MED17: variants seen among roughly 807,000 people sequenced by gnomAD.
MED17 encodes mediator complex subunit 17.
A neutral mutation model predicts 80.8 loss-of-function variants in MED17; 49 were observed. That is an observed-to-expected ratio of 0.61 (90% CI 0.48 to 0.77). The LOEUF is 0.77. Among genes scored for constraint, MED17 ranks in the 30% least tolerant of loss-of-function variants. The pLI, the probability that MED17 is intolerant of heterozygous loss-of-function variation, is 0.00. For missense variants in MED17, 718 were observed against 787.0 expected (o/e 0.91, Z 1.05); for synonymous variants, 281 against 280.4 (o/e 1.00, Z -0.02).
chr11:93,808,868 C>T (rs1944057589), intron 10 of MED17: 1 of 152,446 alleles, frequency 6.6e-6, no homozygotes, highest in African/African-American at 2.4e-5. Flanking sequence ...GTATGAGAAC[C>T]ATGGCCAGAG....
chr11:93,796,081 C>G (rs1032747622), intron 6 of MED17: 1 of 333,038 alleles, frequency 3.0e-6, no homozygotes, highest in Admixed American at 4.4e-5. Flanking sequence ...TCCCAAGCAG[C>G]TGGGACTACA....
In MED17 at chr11:93,794,002, C is replaced by G; in HGVS notation, c.826C>G (p.Leu276Val). 6.2e-7 allele frequency: 1 copy of G among 1,613,982 alleles called. No homozygotes were observed. The highest frequency in any genetic ancestry group is 8.5e-7 in the Non-Finnish European group (1 of 1,179,964). Residue 276 changes from leucine (L) to valine (V), a missense_variant, in exon 5 of 12, where the codon CTC becomes GTC. Leu to Val is a conservative substitution (Grantham distance 32). Transcript: ENST00000251871. ...TATAGGTGACCTCGGCACAGTTAAC[C>G]TCTTCAAACGACCTTTGCCCAAATC... The part of the protein sequence containing the change: ...PDIGDLGTVN[L>V]FKRPLPKSKP...
rs376941892 is a variant in MED17 at position 93,796,529 on chromosome 11, C to T, written c.1132C>T (p.Leu378=). The T allele has an allele frequency of 1.2e-5, 19 of 1,614,008 alleles. No individual in the cohort carries two copies. Among genetic ancestry groups the T allele is most frequent in the Non-Finnish European group, 1.4e-5 (16 of 1,180,008 alleles). ...TGTCCTAGAGCATAATTTGCATCTACTGATTAGAGAGGTAAGGAAATAAAT... is the reference window on the plus strand; with the variant it reads ...TGTCCTAGAGCATAATTTGCATCTATTGATTAGAGAGGTAAGGAAATAAAT... The part of the protein sequence containing the change: ...LYVLEHNLHL[L]IREFHKQTLS... The change falls in exon 7 of 12, where the codon CTG becomes TTG. Residue 378 remains leucine (L), a synonymous_variant. Transcript: ENST00000251871.
At chr11:93,807,450 T>C in intron 9 of MED17, 68 bp from the exon 10 acceptor site, 1 of 902,648 alleles carries the variant, frequency 1.1e-6, no homozygotes, top group South Asian at 1.3e-5. Context: ...ATGTTAACGT[T>C]TATTATTTAT....
intron 2 of MED17, chr11:93,789,498 AT>A (rs1413536863): frequency 2.6e-5 from 4 of 152,226 alleles, no homozygotes; most frequent in African/African-American, 9.6e-5. Context: ...TTATTTTGAT[AT>A]GTTTATGAAG....
At chr11:93,808,314 A>T (rs1944047769) in intron 10 of MED17, 1 of 150,776 alleles carries the variant, frequency 6.6e-6, no homozygotes, top group Non-Finnish European at 1.5e-5. Flanking sequence ...AATGAGCTAT[A>T]ATTGGTCCCA....
At chr11:93,799,465 C>T (rs960606687) in intron 8 of MED17, among the ~76,000 whole-genome samples, 3 of 152,256 alleles carry the variant, frequency 2.0e-5, no homozygotes, top group Non-Finnish European at 2.9e-5. Context: ...CGTGGGCCAC[C>T]GTGCCTGGCC....
intron 10 of MED17, chr11:93,808,772 A>T (rs1165064329): frequency 6.6e-6 from 1 of 152,210 alleles, no homozygotes; most frequent in African/African-American, 2.4e-5. Flanking sequence ...ACACACAAAA[A>T]TATATTAGAA....
intron 9 of MED17, among the ~76,000 whole-genome samples, chr11:93,805,184 G>A (rs993287927): frequency 1.3e-5 from 2 of 152,112 alleles, no homozygotes; most frequent in South Asian, 2.1e-4. Context: ...GTCCCACACT[G>A]TTAATCGGTC....
Position 93,809,729 on chromosome 11 carries a change from C to T in MED17, c.1597C>T (p.Gln533Ter), listed in dbSNP as rs752341132. The T allele has an allele frequency of 1.5e-5, 24 of 1,614,044 alleles. No homozygotes were observed. The highest frequency in any genetic ancestry group is 1.8e-5 in the Non-Finnish European group (21 of 1,180,044). The change falls in exon 11 of 12, where the codon CAG becomes TAG. Residue 533 changes from glutamine (Q) to a stop codon, truncating the protein, a stop_gained. Coordinates refer to ENST00000251871, the MANE Select transcript of MED17 (RefSeq NM_004268.5). LOFTEE classifies it high-confidence loss of function. ...TTTTCATTCACAGATGTCACAGCAC[C>T]AGGTACATGCAGTTCAGCAACTCGC... ...DFLLSQMSQHQVHAVQQLAKV... is the reference protein window; with the variant it reads ...DFLLSQMSQH
At chr11:93,810,273 T>C in intron 11 of MED17, 1 of 155,012 alleles carries the variant, frequency 6.5e-6, no homozygotes, top group Admixed American at 6.4e-5. Context: ...GGTACTACTT[T>C]TTTCACATTA....
intron 5 of MED17, 164 bp downstream of exon 5, chr11:93,794,199 ATTTTTTT>A (rs35300764): frequency 2.7e-5 from 9 of 328,226 alleles, no homozygotes; most frequent in South Asian, 5.2e-5. Flanking sequence ...TAGCTGTGCA[ATTTTTTT>A]TTTTTTTTTT....
chr11:93,795,488 G>A (rs1284561016), intron 6 of MED17: 1 of 166,760 alleles, frequency 6.0e-6, no homozygotes, highest in Admixed American at 5.8e-5. Context: ...ATCACCTGGG[G>A]TCAGGAGTTT....
chr11:93,784,809 C>A, intron 1 of MED17, 46 bp downstream of exon 1: 1 of 1,531,622 alleles, frequency 6.5e-7, no homozygotes, highest in Non-Finnish European at 8.7e-7. Flanking sequence ...TGGGTCCCAG[C>A]ACCCGCGCGG....
chr11:93,807,562 T>A lies in MED17; in HGVS notation c.1511T>A (p.Val504Asp). 6.2e-7 allele frequency: 1 copy of A among 1,613,558 alleles called. No homozygotes were observed. The highest frequency in any genetic ancestry group is 8.5e-7 in the Non-Finnish European group (1 of 1,179,552). ...AATATTGGAGTTGAGCAGATTCGAG[T>A]TGTACATAGAGATGGAAGAGTAATT... ...QLNIGVEQIRVVHRDGRVITL... is the reference protein window; with the variant it reads ...QLNIGVEQIRDVHRDGRVITL... Residue 504 changes from valine to aspartate, a missense_variant, in exon 10 of 12, where the codon GTT (valine) becomes GAT (aspartate). Coordinates refer to ENST00000251871, the MANE Select transcript of MED17 (RefSeq NM_004268.5).
At chr11:93,794,530 T>C in intron 5 of MED17, 1 of 263,926 alleles carries the variant, frequency 3.8e-6, no homozygotes, top group South Asian at 4.6e-5. Context: ...TTTACTGGTT[T>C]TTTGTGTTAA....
At chr11:93,796,193 C>T in intron 6 of MED17, 1 of 496,112 alleles carries the variant, frequency 2.0e-6, no homozygotes, top group Non-Finnish European at 3.7e-6. Context: ...CCTTGTGATC[C>T]ACCCACCTTG....
chr11:93,803,987 A>G (rs1396713004), intron 9 of MED17, among the ~76,000 whole-genome samples: 18 of 3,056 alleles, frequency 5.9e-3, no homozygotes, highest in East Asian at 0.021. Context: ...GTGTGTGTGT[A>G]TATATGTGTG....
chr11:93,788,248 C>A, intron 2 of MED17, 81 bp downstream of exon 2: 2 of 1,224,770 alleles, frequency 1.6e-6, no homozygotes, highest in South Asian at 1.3e-5. Context: ...CCTGTTGTTC[C>A]ATTTTCCTTT....
Sources: gnomAD v4.1 joint callset for allele counts (sites outside exome capture counted in the v4.1 genomes callset) on GRCh38, gnomAD v4.1.1 for gene constraint, MANE v1.5 for transcripts, NCBI Gene and HGNC (gene_info 2026-07-23, HGNC 2026-07-21) for gene names.